Variants in NRCAM observed in about 807,000 individuals in gnomAD.
NRCAM encodes NgCAM-related cell adhesion molecule.
Under a neutral mutation model 156.5 loss-of-function variants are expected in NRCAM, and 83 were observed. The ratio of observed to expected loss-of-function variants is 0.53; its 90% confidence interval spans 0.44 to 0.64. The LOEUF is 0.64. Among genes scored for constraint, NRCAM ranks in the 30% least tolerant of loss-of-function variants. The pLI, the probability that NRCAM is intolerant of heterozygous loss-of-function variation, is 0.00. For synonymous variants in NRCAM, 538 were observed against 563.9 expected, an observed-to-expected ratio of 0.95 and a Z score of 0.65; for missense variants, 1,417 against 1,597.3, an observed-to-expected ratio of 0.89 and a Z score of 1.92.
At chr7:108,157,314 C>T (rs2046103488) in intron 32 of NRCAM, among the ~76,000 whole-genome samples, 1 of 151,928 alleles carries the variant, frequency 6.6e-6, no homozygotes, top group South Asian at 2.1e-4. Flanking sequence ...AACACTTTAC[C>T]AACATAGCAC....
At chr7:108,412,454 T>C (rs1796607583) in intron 1 of NRCAM, among the ~76,000 whole-genome samples, 1 of 152,236 alleles carries the variant, frequency 6.6e-6, no homozygotes, top group Non-Finnish European at 1.5e-5. Context: ...TATATATTTA[T>C]AATGTACAAC....
chr7:108,259,087 A>G (rs778037136), intron 3 of NRCAM, among the ~76,000 whole-genome samples: 46 of 152,236 alleles, frequency 3.0e-4, no homozygotes, highest in Non-Finnish European at 5.9e-5. Flanking sequence ...GGGACAACAC[A>G]GCGTGGAACA....
intron 11 of NRCAM, among the ~76,000 whole-genome samples, chr7:108,211,080 C>T (rs1459967721): frequency 2.6e-5 from 4 of 152,238 alleles, no homozygotes; most frequent in African/African-American, 9.6e-5. Flanking sequence ...ACTGCTCCTG[C>T]AGGACCCGGG....
chr7:108,306,386 CG>C (rs1250877969), intron 3 of NRCAM, among the ~76,000 whole-genome samples: 3 of 152,126 alleles, frequency 2.0e-5, no homozygotes, highest in Non-Finnish European at 4.4e-5. Context: ...CTGAATAGCA[CG>C]GATGGTTTCC....
chr7:108,214,810 A>T (rs905197603), intron 11 of NRCAM, among the ~76,000 whole-genome samples: 1 of 152,128 alleles, frequency 6.6e-6, no homozygotes, highest in African/African-American at 2.4e-5. Context: ...CTTTGTTCTC[A>T]TTGGTTTCAA....
chr7:108,299,114 A>AAAAAAAAAAG lies in NRCAM; in HGVS notation c.-107+13550_-107+13551insCTTTTTTTTT. Reference sequence around the variant, plus strand: ...GAGCAAGACTCCATCTCAAAAAAAAAAAAGAAAGAAAGAAAGAAAGAAAGA... The same window carrying AAAAAAAAAAG: ...GAGCAAGACTCCATCTCAAAAAAAAAAAAAAAAAAGAAAGAAAGAAAGAAAGAAAGAAAGA... On this transcript the variant is annotated intron_variant, in intron 3 of 32. Coordinates refer to ENST00000379028, the MANE Select transcript of NRCAM (RefSeq NM_001037132.4). Among the ~76,000 whole-genome samples, 10 of 25,530 alleles carry AAAAAAAAAAG rather than the reference A, an allele frequency of 3.9e-4. No homozygotes were observed. In the East Asian group the frequency reaches 9.8e-3, roughly 25 times the overall value. 16.7% of individuals were successfully genotyped at this position (25,530 alleles called of 152,430 possible).
chr7:108,200,018 C>T (rs1211312862), intron 13 of NRCAM, among the ~76,000 whole-genome samples: 1 of 152,096 alleles, frequency 6.6e-6, no homozygotes, highest in African/African-American at 2.4e-5. Context: ...CAAGTTACTC[C>T]TCATGGACTG....
At chr7:108,453,252 G>C in intron 1 of NRCAM, among the ~76,000 whole-genome samples, 1 of 152,174 alleles carries the variant, frequency 6.6e-6, no homozygotes, top group Non-Finnish European at 1.5e-5. Context: ...AATATCTGTA[G>C]AGTCTATTTA....
chr7:108,230,236 C>G (rs1201584313), intron 8 of NRCAM, among the ~76,000 whole-genome samples: 1 of 151,786 alleles, frequency 6.6e-6, no homozygotes. Flanking sequence ...CTCCCACCCC[C>G]ACCCCAGTAA....
At chr7:108,177,378 C>T (rs1011553723) in intron 26 of NRCAM, among the ~76,000 whole-genome samples, 1 of 152,070 alleles carries the variant, frequency 6.6e-6, no homozygotes, top group Non-Finnish European at 1.5e-5. Flanking sequence ...AATCCCAGCA[C>T]TTTGGGAGGC....
At chr7:108,284,698 T>C (rs1484373321) in intron 3 of NRCAM, among the ~76,000 whole-genome samples, 7 of 152,196 alleles carry the variant, frequency 4.6e-5, no homozygotes, top group African/African-American at 9.6e-5. Flanking sequence ...TCAAAGCTTA[T>C]ACGGAACCGC....
chr7:108,255,730 G>A (rs547765776), intron 3 of NRCAM, among the ~76,000 whole-genome samples: 4 of 151,890 alleles, frequency 2.6e-5, no homozygotes, highest in African/African-American at 9.7e-5. Context: ...GAGCGCCTCT[G>A]CCCGGCCACG....
At chr7:108,391,323 T>C (rs2099759147) in intron 2 of NRCAM, among the ~76,000 whole-genome samples, 1 of 152,210 alleles carries the variant, frequency 6.6e-6, no homozygotes, top group Non-Finnish European at 1.5e-5. Flanking sequence ...TTTACCATTA[T>C]GTAATGGCCT....
At chr7:108,181,195 G>GAAA (rs5886442) in intron 24 of NRCAM, among the ~76,000 whole-genome samples, 1 of 148,658 alleles carries the variant, frequency 6.7e-6, no homozygotes, top group Non-Finnish European at 1.5e-5. Flanking sequence ...ATGCTAGGGG[G>GAAA]AAAAAAAAAA....
chr7:108,383,153 C>CACACACAA (rs10669547), intron 2 of NRCAM, among the ~76,000 whole-genome samples: 38 of 151,610 alleles, frequency 2.5e-4, no homozygotes, highest in South Asian at 2.3e-3. Flanking sequence ...CACACACACA[C>CACACACAA]ACCCCTTGGT....
chr7:108,174,482 G>A (rs767249274), intron 28 of NRCAM, among the ~76,000 whole-genome samples: 5 of 152,198 alleles, frequency 3.3e-5, no homozygotes, highest in Non-Finnish European at 7.3e-5. Flanking sequence ...TGAAAACAGT[G>A]CCCAGTGGCA....
intron 1 of NRCAM, among the ~76,000 whole-genome samples, chr7:108,402,821 T>G (rs111915947): frequency 1.1e-3 from 166 of 152,302 alleles, no homozygotes; most frequent in Middle Eastern, 3.4e-3. Flanking sequence ...GGAGGTAGGT[T>G]TGTGCAGAGA....
intron 4 of NRCAM, among the ~76,000 whole-genome samples, chr7:108,239,160 G>A (rs1268913622): frequency 1.3e-5 from 2 of 152,130 alleles, no homozygotes; most frequent in East Asian, 1.9e-4. Context: ...AAGTGACTGG[G>A]TGGAACCTAG....
intron 28 of NRCAM, among the ~76,000 whole-genome samples, chr7:108,174,841 G>C (rs117944147): frequency 2.0e-5 from 3 of 152,226 alleles, no homozygotes; most frequent in African/African-American, 4.8e-5. Flanking sequence ...GCATTGCTAC[G>C]CTGTAATTCC....
Sources: gnomAD v4.1 joint callset for allele counts (sites outside exome capture counted in the v4.1 genomes callset) on GRCh38, gnomAD v4.1.1 for gene constraint, MANE v1.5 for transcripts, NCBI Gene and HGNC (gene_info 2026-07-23, HGNC 2026-07-21) for gene names.